Variants in CPXM2 observed in about 807,000 individuals in gnomAD.
CPXM2 encodes carboxypeptidase X, M14 family member 2.
Under a neutral mutation model 86.1 loss-of-function variants are expected in CPXM2, and 66 were observed. The observed-to-expected ratio is 0.77, with a 90% CI of 0.63 to 0.94. The LOEUF is 0.94. Ranked by LOEUF, CPXM2 falls within the 40% of genes least tolerant of loss-of-function variation. The pLI is 0.00. For synonymous variants in CPXM2, 388 were observed against 400.2 expected (o/e 0.97, Z 0.36); for missense variants, 948 against 1,026.3 (o/e 0.92, Z 1.04).
rs1564811054 is a variant in CPXM2, at chr10:123,881,231, CTCTTCCCTTCCCTTCCCTT to C, written c.305-941_305-923del. ...TTGTTCCTTCTCCTGGAGCACCCTTCTCTTCCCTTCCCTTCCCTTCCCTTCCCTTCCCTTTACGCTCAAG... is the reference window on the plus strand; with the variant it reads ...TTGTTCCTTCTCCTGGAGCACCCTTCCCCTTCCCTTCCCTTTACGCTCAAG... On this transcript the variant is annotated intron_variant, in intron 1 of 13. Transcript: ENST00000241305. Among the ~76,000 whole-genome samples the C allele has an allele frequency of 9.6e-5, 9 of 93,896 alleles. 1 individual carries two copies. Among genetic ancestry groups the C allele is most frequent in the Admixed American group, 2.6e-4 (3 of 11,478 alleles). 61.6% of individuals were successfully genotyped at this position (93,896 alleles called of 152,430 possible). A position where few individuals can be genotyped will look rare whatever the true frequency, so the allele number is the denominator to read the frequency against.
intron 2 of CPXM2, 59 bp from the exon 3 acceptor site, chr10:123,862,782 T>C: frequency 6.8e-7 from 1 of 1,462,556 alleles, no homozygotes; most frequent in African/African-American, 1.4e-5. Context: ...ATGAGTTTCT[T>C]ATTTTCTAAA....
chr10:123,894,680 C>T (rs1945320462), upstream of CPXM2, among the ~76,000 whole-genome samples: 1 of 152,182 alleles, frequency 6.6e-6, no homozygotes, highest in East Asian at 1.9e-4. Flanking sequence ...GTCCTGCGTT[C>T]TTCAGCTTCT....
At chr10:123,909,487 G>A (rs971282378) in intron 2 of CPXM2, among the ~76,000 whole-genome samples, 6 of 152,232 alleles carry the variant, frequency 3.9e-5, no homozygotes, top group Non-Finnish European at 8.8e-5. Flanking sequence ...CCTGACAAGC[G>A]GAAGCCCGGC....
intron 4 of CPXM2, among the ~76,000 whole-genome samples, chr10:123,814,597 C>T (rs113301393): frequency 3.9e-5 from 6 of 152,122 alleles, no homozygotes; most frequent in East Asian, 1.9e-4. Context: ...AGAATATTAA[C>T]GATGGAGTTC....
intron 4 of CPXM2, among the ~76,000 whole-genome samples, chr10:123,818,626 C>G (rs543055945): frequency 1.3e-5 from 2 of 152,292 alleles, no homozygotes; most frequent in East Asian, 3.9e-4. Flanking sequence ...TGCCTCTGAC[C>G]AAGGCACTCA....
chr10:123,775,230 C>G (rs912418794), intron 7 of CPXM2, among the ~76,000 whole-genome samples: 6 of 152,238 alleles, frequency 3.9e-5, no homozygotes, highest in Admixed American at 2.0e-4. Flanking sequence ...CTGATGGCCA[C>G]AGCATACTTG....
intron 2 of CPXM2, among the ~76,000 whole-genome samples, chr10:123,871,037 G>C (rs1190587955): frequency 6.6e-6 from 1 of 152,212 alleles, no homozygotes; most frequent in African/African-American, 2.4e-5. Flanking sequence ...TCCAGCCCAT[G>C]CTGGCTACAG....
At chr10:123,836,891 G>C (rs11248296) in intron 4 of CPXM2, among the ~76,000 whole-genome samples, 37,177 of 134,758 alleles carry the variant, frequency 0.28, 4,792 homozygotes, top group Middle Eastern at 0.43. Flanking sequence ...CTTCCCCCCA[G>C]GTGAGGTCTC....
At chr10:123,778,408 C>T (rs2134024305) in intron 7 of CPXM2, among the ~76,000 whole-genome samples, 1 of 152,324 alleles carries the variant, frequency 6.6e-6, no homozygotes. Context: ...TTGATGGGCG[C>T]TCTCCTGGAC....
At chr10:123,774,552 A>G (rs1218085837) in intron 7 of CPXM2, among the ~76,000 whole-genome samples, 1 of 152,202 alleles carries the variant, frequency 6.6e-6, no homozygotes, top group African/African-American at 2.4e-5. Context: ...ATGAGCATCA[A>G]GGAGCGTTTC....
intron 6 of CPXM2, among the ~76,000 whole-genome samples, chr10:123,792,733 C>T (rs1053277689): frequency 6.6e-6 from 1 of 152,194 alleles, no homozygotes; most frequent in Admixed American, 6.5e-5. Flanking sequence ...CCCAGGCTGC[C>T]CCTTTGTTAT....
At chr10:123,853,524 A>C (rs1848645854) in intron 3 of CPXM2, among the ~76,000 whole-genome samples, 2 of 152,150 alleles carry the variant, frequency 1.3e-5, no homozygotes, top group Non-Finnish European at 2.9e-5. Context: ...TTGTTTCCTC[A>C]GTTCTTATGA....
chr10:123,773,077 G>A (rs1320236139), intron 7 of CPXM2, among the ~76,000 whole-genome samples: 4 of 151,196 alleles, frequency 2.6e-5, no homozygotes, highest in African/African-American at 9.8e-5. Context: ...TTCCCTGATT[G>A]TGGTTATCAC....
chr10:123,870,174 G>C (rs115388408), intron 2 of CPXM2, among the ~76,000 whole-genome samples: 1 of 140,754 alleles, frequency 7.1e-6, no homozygotes, highest in Non-Finnish European at 1.5e-5. Flanking sequence ...CAGGGATGCC[G>C]AACACAGTTC....
At chr10:123,866,285 C>T (rs988462335) in intron 2 of CPXM2, among the ~76,000 whole-genome samples, 5 of 152,146 alleles carry the variant, frequency 3.3e-5, no homozygotes, top group Non-Finnish European at 7.3e-5. Flanking sequence ...AATTCAGGAC[C>T]GGGTGCGGTG....
intron 2 of CPXM2, among the ~76,000 whole-genome samples, chr10:123,932,016 GT>G (rs1164596827): frequency 1.3e-5 from 2 of 151,994 alleles, no homozygotes; most frequent in Non-Finnish European, 2.9e-5. Flanking sequence ...AGTCTGAGTG[GT>G]TTTTTTTAAA....
At chr10:123,806,144 A>G (rs569416348) in intron 4 of CPXM2, among the ~76,000 whole-genome samples, 2 of 152,114 alleles carry the variant, frequency 1.3e-5, no homozygotes, top group South Asian at 4.1e-4. Context: ...CGCCTTTGCT[A>G]TTTCTTTTAA....
At chr10:123,843,245 C>T (rs1422795399) in intron 3 of CPXM2, 1 of 455,052 alleles carries the variant, frequency 2.2e-6, no homozygotes, top group Non-Finnish European at 4.4e-6. Flanking sequence ...CACCACCATG[C>T]CCTGCTCCAA....
chr10:123,757,231 C>CAG lies in CPXM2; in HGVS notation c.1897_1898dup (p.Ile634Ter). On this transcript the variant is annotated frameshift_variant, in exon 12 of 14. Coordinates refer to ENST00000241305, the MANE Select transcript of CPXM2 (RefSeq NM_198148.3). LOFTEE classifies it high-confidence loss of function. ...AATATACCTGCTCCATGAACACGATCAGAGATTCCCGGTTATTCTCCCACT... is the reference window on the plus strand; with the variant it reads ...AATATACCTGCTCCATGAACACGATCAGAGAGATTCCCGGTTATTCTCCCACT... 1 of 1,614,108 alleles carries CAG rather than the reference C, an allele frequency of 6.2e-7. No homozygotes were observed. The highest frequency in any genetic ancestry group is 1.3e-5 in the African/African-American group (1 of 75,046).
Sources: gnomAD v4.1 joint callset for allele counts (sites outside exome capture counted in the v4.1 genomes callset) on GRCh38, gnomAD v4.1.1 for gene constraint, MANE v1.5 for transcripts, NCBI Gene and HGNC (gene_info 2026-07-23, HGNC 2026-07-21) for gene names.